The following PPP2R2B variants were observed in gnomAD, a reference collection of about 807,000 sequenced individuals.
The protein encoded by PPP2R2B is protein phosphatase 2 regulatory subunit Bbeta.
Under a neutral mutation model 46.0 loss-of-function variants are expected in PPP2R2B, and 5 were observed. That is an observed-to-expected ratio of 0.11 (90% CI 0.06 to 0.23). The LOEUF is 0.23. Ranked by LOEUF, PPP2R2B falls within the 10% of genes least tolerant of loss-of-function variation. The probability of loss-of-function intolerance (pLI) is 1.00; values close to 1 mark genes in which losing one functional copy is unlikely to be tolerated. For synonymous variants in PPP2R2B, 215 were observed against 206.7 expected, an observed-to-expected ratio of 1.04 and a Z score of -0.34; for missense variants, 367 against 575.0, an observed-to-expected ratio of 0.64 and a Z score of 3.70.
chr5:146,882,729 A>T (rs2151423464), upstream of PPP2R2B, among the ~76,000 whole-genome samples: 1 of 152,352 alleles, frequency 6.6e-6, no homozygotes, highest in East Asian at 1.9e-4. Context: ...AGTGTATAAG[A>T]TGTAGTCAGT....
rs977770881 is a variant in PPP2R2B, at chr5:146,878,730, T to A, written c.-264A>T. 2.4e-4 allele frequency: 230 copies of A among 966,400 alleles called. No homozygotes were observed. Among genetic ancestry groups the A allele is most frequent in the Non-Finnish European group, 3.0e-4 (216 of 718,136 alleles). 59.9% of individuals were successfully genotyped at this position (966,400 alleles called of 1,614,324 possible). Reference sequence around the variant, plus strand: ...ACACCCACACGCGCGCACTCGCAGCTGCTGCTGCTGCTGCTGCTGCTGCTG... The same window carrying A: ...ACACCCACACGCGCGCACTCGCAGCAGCTGCTGCTGCTGCTGCTGCTGCTG... On this transcript the variant is annotated 5_prime_UTR_variant, in exon 1 of 10. Transcript: ENST00000394411. The surrounding 1 kb of genome is among the most constrained non-coding windows in gnomAD (Gnocchi z 4.5).
rs1770172955 is a variant in PPP2R2B at position 146,586,537 on chromosome 5, C to T, written c.*3410G>A. 1 of 151,988 alleles carries T rather than the reference C, an allele frequency of 6.6e-6. No individual in the cohort carries two copies. The highest frequency in any genetic ancestry group is 2.4e-5 in the African/African-American group (1 of 41,364). 9.4% of individuals were successfully genotyped at this position (151,988 alleles called of 1,614,324 possible). On this transcript the variant is annotated 3_prime_UTR_variant, in exon 10 of 10. Coordinates refer to ENST00000394411, the MANE Select transcript of PPP2R2B (RefSeq NM_181675.4). Reference sequence around the variant, plus strand: ...GTGTGTACCTTTTATTATAATGGACCCTAGAATATTCAAAGGAAGTTTAGT... The same window carrying T: ...GTGTGTACCTTTTATTATAATGGACTCTAGAATATTCAAAGGAAGTTTAGT...
intron 5 of PPP2R2B, among the ~76,000 whole-genome samples, chr5:146,674,731 C>T (rs1777593262): frequency 6.6e-6 from 1 of 152,122 alleles, no homozygotes; most frequent in Non-Finnish European, 1.5e-5. Context: ...AATGTAGGTG[C>T]CAAACTCCCT....
At chr5:146,994,783 T>A (rs1197306485) in intron 1 of PPP2R2B, among the ~76,000 whole-genome samples, 1 of 152,214 alleles carries the variant, frequency 6.6e-6, no homozygotes, top group African/African-American at 2.4e-5. Flanking sequence ...GCATTTACTT[T>A]AATGTATCAT....
intron 1 of PPP2R2B, among the ~76,000 whole-genome samples, chr5:146,907,360 G>A (rs1763034383): frequency 6.6e-6 from 1 of 152,198 alleles, no homozygotes; most frequent in African/African-American, 2.4e-5. Context: ...TTCTCCCAGA[G>A]CTTCTTCAGG....
intron 1 of PPP2R2B, among the ~76,000 whole-genome samples, chr5:146,978,076 C>T (rs1000371608): frequency 2.6e-5 from 4 of 152,192 alleles, no homozygotes; most frequent in Non-Finnish European, 5.9e-5. Context: ...TTCTAACTGG[C>T]ATGAGATGGT....
At chr5:146,631,473 T>C (rs1774420251) in intron 7 of PPP2R2B, among the ~76,000 whole-genome samples, 1 of 152,210 alleles carries the variant, frequency 6.6e-6, no homozygotes, top group Admixed American at 6.5e-5. Flanking sequence ...TCCATCTCTG[T>C]GTCCCCAGGT....
chr5:147,076,319 A>T (rs1302993108), intron 2 of PPP2R2B, among the ~76,000 whole-genome samples: 2 of 152,172 alleles, frequency 1.3e-5, no homozygotes, highest in Non-Finnish European at 2.9e-5. Flanking sequence ...GGTAAAAAAA[A>T]AATTGATATT....
intron 2 of PPP2R2B, among the ~76,000 whole-genome samples, chr5:146,841,504 G>A (rs1036828545): frequency 3.9e-5 from 6 of 152,112 alleles, no homozygotes; most frequent in Non-Finnish European, 7.4e-5. Context: ...TGGGCAAGAC[G>A]TAATCACAAC....
At chr5:146,604,001 A>G (rs1656371440) in intron 7 of PPP2R2B, among the ~76,000 whole-genome samples, 1 of 152,240 alleles carries the variant, frequency 6.6e-6, no homozygotes. Flanking sequence ...ACAATATAGT[A>G]TATTAGCTAG....
chr5:146,761,215 G>A (rs889751334), intron 2 of PPP2R2B, among the ~76,000 whole-genome samples: 12 of 152,178 alleles, frequency 7.9e-5, no homozygotes, highest in Admixed American at 3.9e-4. Flanking sequence ...ACATGCACAT[G>A]TATGTTTATT....
chr5:146,708,810 C>A (rs757920855), intron 2 of PPP2R2B, among the ~76,000 whole-genome samples: 1 of 152,094 alleles, frequency 6.6e-6, no homozygotes, highest in Non-Finnish European at 1.5e-5. Context: ...AAAAAAAATT[C>A]ATCAATACAC....
At chr5:146,608,731 G>C (rs1397547536) in intron 7 of PPP2R2B, among the ~76,000 whole-genome samples, 5 of 152,170 alleles carry the variant, frequency 3.3e-5, no homozygotes, top group African/African-American at 9.6e-5. Flanking sequence ...GTTGCAGTGA[G>C]CCAAGATCAT....
chr5:146,837,951 T>C (rs1759393180), intron 2 of PPP2R2B, among the ~76,000 whole-genome samples: 1 of 152,174 alleles, frequency 6.6e-6, no homozygotes. Flanking sequence ...GGCATGTTTG[T>C]TCCCTAGCAC....
At chr5:146,878,912 T>C, upstream of PPP2R2B, 1 of 1,147,154 alleles carries the variant, frequency 8.7e-7, no homozygotes, top group Non-Finnish European at 1.1e-6. This position sits in a 1 kb window ranked among gnomAD's most constrained non-coding sequence, Gnocchi z 4.5. Flanking sequence ...AATCGGCACC[T>C]GGGCAGCAAG....
intron 2 of PPP2R2B, among the ~76,000 whole-genome samples, chr5:146,762,363 G>C (rs761055898): frequency 1.3e-5 from 2 of 152,156 alleles, no homozygotes; most frequent in Non-Finnish European, 2.9e-5. Context: ...AAATGGAGAA[G>C]AAAATAGTAC....
chr5:146,807,310 T>C (rs1757236254), intron 2 of PPP2R2B, among the ~76,000 whole-genome samples: 1 of 152,176 alleles, frequency 6.6e-6, no homozygotes, highest in Non-Finnish European at 1.5e-5. Context: ...TAAGGAGGCA[T>C]GGCAGTATGT....
intron 1 of PPP2R2B, among the ~76,000 whole-genome samples, chr5:146,884,603 A>C (rs1044247250): frequency 3.9e-5 from 6 of 152,208 alleles, no homozygotes; most frequent in Non-Finnish European, 8.8e-5. Flanking sequence ...TCTAGTTAGG[A>C]TATTGATGCA....
intron 2 of PPP2R2B, among the ~76,000 whole-genome samples, chr5:146,784,593 G>A (rs1264209893): frequency 6.6e-6 from 1 of 152,096 alleles, no homozygotes; most frequent in Non-Finnish European, 1.5e-5. Flanking sequence ...TATACAATCT[G>A]TAATGTATAT....
Sources: allele counts gnomAD v4.1 joint callset (sites outside exome capture counted in the v4.1 genomes callset), GRCh38; gene constraint gnomAD v4.1.1; non-coding constraint Gnocchi (gnomAD v3.1); transcripts MANE v1.5; gene names NCBI Gene and HGNC (gene_info 2026-07-23, HGNC 2026-07-21).